Variants in ZFYVE28 observed in about 807,000 individuals in gnomAD.
ZFYVE28 encodes zinc finger FYVE-type containing 28.
A neutral mutation model predicts 82.1 loss-of-function variants in ZFYVE28; 40 were observed. That is an observed-to-expected ratio of 0.49 (90% CI 0.38 to 0.63). The LOEUF is 0.63. Among genes scored for constraint, ZFYVE28 ranks in the 30% least tolerant of loss-of-function variants. The pLI is 0.00. For missense variants in ZFYVE28, 1,321 were observed against 1,242.1 expected, an observed-to-expected ratio of 1.06 and a Z score of -0.96; for synonymous variants, 612 against 546.1, an observed-to-expected ratio of 1.12 and a Z score of -1.68.
chr4:2,354,618 C>T (rs1298690039), intron 1 of ZFYVE28, among the ~76,000 whole-genome samples: 2 of 152,064 alleles, frequency 1.3e-5, no homozygotes, highest in Non-Finnish European at 2.9e-5. Context: ...GCTGTCATGC[C>T]TGGATAATTT....
rs745669273 is a variant in ZFYVE28 at position 2,273,267 on chromosome 4, C to G, written c.2229G>C (p.Thr743=). 22 of 1,612,840 alleles carry G rather than the reference C, an allele frequency of 1.4e-5. No individual in the cohort carries two copies. Among genetic ancestry groups the G allele is most frequent in the Non-Finnish European group, 1.9e-5 (22 of 1,179,694 alleles). ...CISGVADQLQ[T]NYASDLRSIL... The stretch of plus-strand genomic sequence containing the variant: ...TACTTCTCAGGTCACTGGCATAGTT[C>G]GTCTGCAGCTGGTCAGCCACACCTG... The change falls in exon 10 of 13, where the codon ACG becomes ACC. Residue 743 remains threonine (T), a synonymous_variant. Transcript: ENST00000290974.
intron 1 of ZFYVE28, among the ~76,000 whole-genome samples, chr4:2,402,409 C>T (rs919920050): frequency 2.0e-5 from 3 of 152,230 alleles, no homozygotes; most frequent in Admixed American, 6.5e-5. Flanking sequence ...TGTCCTGCAG[C>T]CTCTGCTTGG....
intron 8 of ZFYVE28, among the ~76,000 whole-genome samples, chr4:2,278,699 G>A (rs1404483293): frequency 6.6e-6 from 1 of 150,394 alleles, no homozygotes; most frequent in African/African-American, 2.5e-5. Context: ...TGTCTGATAA[G>A]GACATAGTAT....
At chr4:2,299,440 T>C (rs1393871068) in intron 8 of ZFYVE28, among the ~76,000 whole-genome samples, 1 of 150,538 alleles carries the variant, frequency 6.6e-6, no homozygotes, top group African/African-American at 2.5e-5. Context: ...GTGATTCTAC[T>C]TCTAAGGACC....
At chr4:2,404,499 C>A (rs1035785250) in intron 1 of ZFYVE28, among the ~76,000 whole-genome samples, 12 of 100,328 alleles carry the variant, frequency 1.2e-4, no homozygotes, top group African/African-American at 3.8e-4. Context: ...GGTCTGTCCA[C>A]TAATGGAATA....
intron 7 of ZFYVE28, among the ~76,000 whole-genome samples, chr4:2,310,640 C>T (rs993071753): frequency 2.0e-5 from 3 of 151,982 alleles, no homozygotes; most frequent in Non-Finnish European, 4.4e-5. Context: ...CCTGTCTCTA[C>T]AAAAAATACA....
intron 6 of ZFYVE28, chr4:2,330,419 G>A (rs902119217): frequency 1.9e-6 from 2 of 1,049,170 alleles, no homozygotes; most frequent in African/African-American, 1.7e-5. Flanking sequence ...GGACAGCACG[G>A]AAGAGGGGAC....
chr4:2,355,244 ATATATATATATATATATATATATATAT>A lies in ZFYVE28; in HGVS notation c.40-1198_40-1172del, dbSNP rs1560269904. Among the ~76,000 whole-genome samples the A allele has an allele frequency of 5.9e-3, 133 of 22,682 alleles. 16 individuals are homozygous for A. Among genetic ancestry groups the A allele is most frequent in the African/African-American group, 0.023 (104 of 4,430 alleles). 14.9% of individuals were successfully genotyped at this position (22,682 alleles called of 152,430 possible). ...TATATATATATATATATATATATAT[ATATATATATATATATATATATATATAT>A]AATGATTCTTCTTTTTTTTTTTTTT... On this transcript the variant is annotated intron_variant, in intron 1 of 12. Coordinates refer to ENST00000290974, the MANE Select transcript of ZFYVE28 (RefSeq NM_020972.3).
intron 7 of ZFYVE28, among the ~76,000 whole-genome samples, chr4:2,316,991 T>TC (rs1364254265): frequency 2.6e-5 from 2 of 77,824 alleles, no homozygotes; most frequent in African/African-American, 1.2e-4. Flanking sequence ...TTCTTTAACT[T>TC]TTTTTTTTTT....
At chr4:2,302,945 G>A (rs1037218778) in intron 8 of ZFYVE28, among the ~76,000 whole-genome samples, 8 of 152,176 alleles carry the variant, frequency 5.3e-5, no homozygotes, top group African/African-American at 9.7e-5. Context: ...CCTTCAAAAC[G>A]CGGAGGACGG....
At chr4:2,411,252 C>G (rs1054832450) in intron 1 of ZFYVE28, among the ~76,000 whole-genome samples, 1 of 152,182 alleles carries the variant, frequency 6.6e-6, no homozygotes, top group Non-Finnish European at 1.5e-5. Context: ...CCCTACACCC[C>G]CTGCCTCCCT....
intron 8 of ZFYVE28, among the ~76,000 whole-genome samples, chr4:2,296,598 A>G (rs1208455722): frequency 6.6e-6 from 1 of 150,528 alleles, no homozygotes; most frequent in Non-Finnish European, 1.5e-5. Context: ...TCCCTGCAGG[A>G]CCTCGGGACA....
intron 1 of ZFYVE28, among the ~76,000 whole-genome samples, chr4:2,381,898 C>T (rs1214833218): frequency 6.6e-6 from 1 of 152,234 alleles, no homozygotes; most frequent in Non-Finnish European, 1.5e-5. Context: ...AAAATGGTTT[C>T]ATGGGCCAGG....
At chr4:2,379,138 G>T (rs12331641) in intron 1 of ZFYVE28, among the ~76,000 whole-genome samples, 3 of 152,090 alleles carry the variant, frequency 2.0e-5, no homozygotes, top group African/African-American at 4.8e-5. Context: ...AAGCCCCCCA[G>T]TCTGCACCAT....
intron 1 of ZFYVE28, among the ~76,000 whole-genome samples, chr4:2,392,159 A>G (rs1036156996): frequency 6.6e-6 from 1 of 151,982 alleles, no homozygotes; most frequent in Non-Finnish European, 1.5e-5. Flanking sequence ...ATCCCAAAAA[A>G]AAAAAAAGGG....
At chr4:2,299,311 C>G (rs1700198485) in intron 8 of ZFYVE28, among the ~76,000 whole-genome samples, 1 of 152,056 alleles carries the variant, frequency 6.6e-6, no homozygotes, top group South Asian at 2.1e-4. Flanking sequence ...GTTTTTCCCC[C>G]TCAAGTTGGA....
At chr4:2,396,980 G>A (rs1279204326) in intron 1 of ZFYVE28, among the ~76,000 whole-genome samples, 1 of 152,228 alleles carries the variant, frequency 6.6e-6, no homozygotes, top group East Asian at 1.9e-4. Context: ...CAGCCGGGTG[G>A]GGCAGGACAG....
intron 8 of ZFYVE28, among the ~76,000 whole-genome samples, chr4:2,293,136 G>T (rs926172166): frequency 6.6e-6 from 1 of 151,700 alleles, no homozygotes; most frequent in African/African-American, 2.4e-5. Context: ...TTAGGAATAG[G>T]AGAGAACTCC....
chr4:2,271,608 C>T (rs879248270), intron 11 of ZFYVE28, 67 bp downstream of exon 11: 10 of 1,543,042 alleles, frequency 6.5e-6, no homozygotes, highest in African/African-American at 4.1e-5. Context: ...AGGAGGAAGG[C>T]TCCTGTGGCT....
Sources: gnomAD v4.1 joint callset for allele counts (sites outside exome capture counted in the v4.1 genomes callset) on GRCh38, gnomAD v4.1.1 for gene constraint, MANE v1.5 for transcripts, NCBI Gene and HGNC (gene_info 2026-07-23, HGNC 2026-07-21) for gene names.